ACE: variants seen among roughly 807,000 people sequenced by gnomAD.
The protein encoded by ACE is angiotensin-converting enzyme.
In ACE, 122 loss-of-function variants were observed where a neutral mutation model predicts 162.3. That is an observed-to-expected ratio of 0.75 (90% CI 0.65 to 0.87). The LOEUF (loss-of-function observed/expected upper bound fraction) is 0.87. Ranked by LOEUF, ACE falls within the 40% of genes least tolerant of loss-of-function variation. The probability of loss-of-function intolerance (pLI) is 0.00; values close to 1 mark genes in which losing one functional copy is unlikely to be tolerated. For synonymous variants in ACE, 796 were observed against 720.6 expected (o/e 1.10, Z -1.68); for missense variants, 1,799 against 1,735.1 (o/e 1.04, Z -0.65).
Position 63,485,192 on chromosome 17 carries a change from G to A in ACE, c.1922-44G>A, listed in dbSNP as rs4320. 0.48 allele frequency: 767,655 copies of A among 1,612,346 alleles called. 185,099 individuals carry two copies. The highest frequency in any genetic ancestry group is 0.65 in the East Asian group (29,207 of 44,816). On this transcript the variant is annotated intron_variant, in intron 12 of 24. Transcript: ENST00000290866. ...TCTGGTGAGACCACAAACCTGGAGA[G>A]GGGAGGCAGAGGTTTGTCTGTTTCC...
chr17:63,483,649 C>A, intron 10 of ACE, 91 bp downstream of exon 10: 1 of 1,400,286 alleles, frequency 7.1e-7, no homozygotes, highest in Non-Finnish European at 1.0e-6. Context: ...ATCCCCAGGG[C>A]TTGTCCCCAT....
chr17:63,485,039 G>A, intron 12 of ACE, 197 bp from the exon 13 acceptor site: 1 of 1,589,054 alleles, frequency 6.3e-7, no homozygotes, highest in Non-Finnish European at 8.6e-7. Context: ...CCAGGCGACG[G>A]CCCACCAGAC....
rs1048300864 is a variant in ACE, at chr17:63,491,661, G to A, written c.2912+280G>A. Among the ~76,000 whole-genome samples the A allele has an allele frequency of 1.8e-4, 27 of 152,160 alleles. No homozygotes were observed. The highest frequency in any genetic ancestry group is 6.0e-4 in the African/African-American group (25 of 41,436). On this transcript the variant is annotated intron_variant, in intron 19 of 24. Transcript: ENST00000290866. This position sits in a 1 kb window ranked among gnomAD's most constrained non-coding sequence, Gnocchi z 4.4. ...GTTTGAGCATGGTAGGCTGCCCCGC[G>A]TCCCTCCTTGGGAGCAGCCCCTGCA...
At chr17:63,477,428 G>A in intron 1 of ACE, 85 bp downstream of exon 1, 1 of 1,089,576 alleles carries the variant, frequency 9.2e-7, no homozygotes, top group Non-Finnish European at 1.1e-6. Context: ...CGGGCAGGCT[G>A]GCGCCCCCGA....
At position 63,498,207 on chromosome 17, in the gene ACE, C is replaced by T. The variant is rs1002958458; in HGVS notation, c.*841C>T. ...GCTGCACCTGCACAGGGATTAGCTG[C>T]CAGCAGCCACCCTGCTGGCGTCCCA... On this transcript the variant is annotated 3_prime_UTR_variant, in exon 25 of 25. Transcript: ENST00000290866. 1.3e-5 allele frequency: 2 copies of T among 152,266 alleles called. No individual in the cohort carries two copies. Among genetic ancestry groups the T allele is most frequent in the Non-Finnish European group, 2.9e-5 (2 of 68,076 alleles). The allele number at this position is 152,266 out of a possible 1,614,324, so 9.4% of individuals were successfully genotyped here. A position where few individuals can be genotyped will look rare whatever the true frequency, so the allele number is the denominator to read the frequency against.
chr17:63,481,258 G>A, intron 6 of ACE, 70 bp downstream of exon 6: 1 of 1,408,730 alleles, frequency 7.1e-7, no homozygotes, highest in Non-Finnish European at 1.0e-6. Flanking sequence ...AGTCACAGAT[G>A]GGCACAGGGG....
chr17:63,477,192 G>A lies in ACE; in HGVS notation c.98G>A (p.Gly33Glu). 6 of 1,481,268 alleles carry A rather than the reference G, an allele frequency of 4.1e-6. No individual in the cohort carries two copies. Among genetic ancestry groups the A allele is most frequent in the Non-Finnish European group, 5.4e-6 (6 of 1,119,998 alleles). The allele number at this position is 1,481,268 out of a possible 1,614,324, so 91.8% of individuals were successfully genotyped here. The part of the protein sequence containing the change: ...PPQPALALDP[G>E]LQPGNFSADE... ...CAGCCCGCCCTGGCGTTGGACCCCGGGCTGCAGCCCGGCAACTTTTCTGCT... is the reference window on the plus strand; with the variant it reads ...CAGCCCGCCCTGGCGTTGGACCCCGAGCTGCAGCCCGGCAACTTTTCTGCT... The change falls in exon 1 of 25, where the codon GGG (glycine) becomes GAG (glutamate). Residue 33 changes from glycine to glutamate, a missense_variant. Transcript: ENST00000290866.
Position 63,484,348 on chromosome 17 carries a change from C to A in ACE, c.1728C>A (p.Gly576=). Residue 576 remains glycine (G), a synonymous_variant, in exon 12 of 25, where the codon GGC becomes GGA. Coordinates refer to ENST00000290866, the MANE Select transcript of ACE (RefSeq NM_000789.4). This position sits in a 1 kb window ranked among gnomAD's most constrained non-coding sequence, Gnocchi z 4.0. ...CCACCAGGAAGGTGCTGCAGGCTGG[C>A]TCCTCCAGGCCCTGGCAGGAGGTGC... is the stretch of plus-strand genomic sequence containing the variant. ...GAKLRKVLQA[G]SSRPWQEVLK... is the part of the protein sequence containing the mutation. 1 of 1,610,998 alleles carries A rather than the reference C, an allele frequency of 6.2e-7. No homozygotes were observed. Among genetic ancestry groups the A allele is most frequent in the Admixed American group, 1.7e-5 (1 of 59,962 alleles).
Position 63,494,569 on chromosome 17 carries a change from G to A in ACE, c.3380+99G>A, listed in dbSNP as rs181863089. 2.4e-4 allele frequency: 273 copies of A among 1,139,122 alleles called. 1 individual carries two copies. In the African/African-American group the frequency reaches 4.0e-3, roughly 17 times the overall value. 70.6% of individuals were successfully genotyped at this position (1,139,122 alleles called of 1,614,324 possible). On this transcript the variant is annotated intron_variant, in intron 22 of 24. Transcript: ENST00000290866. Reference sequence around the variant, plus strand: ...CCGGTCCACAAGCTCTGTCAGTCAGGGCAGACCCGGGGGAGCCGGCCGCAC... The same window carrying A: ...CCGGTCCACAAGCTCTGTCAGTCAGAGCAGACCCGGGGGAGCCGGCCGCAC...
chr17:63,480,073 G>C (rs1568036438), intron 4 of ACE, among the ~76,000 whole-genome samples, 161 bp downstream of exon 4: 1 of 152,202 alleles, frequency 6.6e-6, no homozygotes, highest in Non-Finnish European at 1.5e-5. Context: ...CACCCAGTGT[G>C]CCTGGACTTT....
At chr17:63,489,278 G>T in intron 17 of ACE, 146 bp downstream of exon 17, 4 of 1,028,508 alleles carry the variant, frequency 3.9e-6, no homozygotes, top group Non-Finnish European at 5.6e-6. Flanking sequence ...GGCTGGAGGG[G>T]GGTGGGCGCT....
chr17:63,477,361 G>A lies in ACE; in HGVS notation c.249+18G>A, dbSNP rs1009655068. On this transcript the variant is annotated intron_variant, in intron 1 of 24. Coordinates refer to ENST00000290866, the MANE Select transcript of ACE (RefSeq NM_000789.4). The stretch of plus-strand genomic sequence containing the variant: ...GGCGCCAGGTGGGCGCCCGGGCCCG[G>A]GCGGGGGCGGGGCGGGGCCGCGGCG... 5 of 1,252,854 alleles carry A rather than the reference G, an allele frequency of 4.0e-6. No individual in the cohort carries two copies. The highest frequency in any genetic ancestry group is 5.1e-5 in the South Asian group (2 of 39,074). The allele number at this position is 1,252,854 out of a possible 1,614,324, so 77.6% of individuals were successfully genotyped here. A position where few individuals can be genotyped will look rare whatever the true frequency, so the allele number is the denominator to read the frequency against.
intron 8 of ACE, 109 bp from the exon 9 acceptor site, chr17:63,482,920 C>T (rs1234061794): frequency 1.6e-6 from 2 of 1,267,894 alleles, no homozygotes; most frequent in Non-Finnish European, 2.3e-6. Context: ...GCCATACCTT[C>T]TCTGCATCTC....
intron 15 of ACE, 148 bp downstream of exon 15, chr17:63,487,221 G>T: frequency 2.8e-6 from 2 of 713,076 alleles, no homozygotes; most frequent in Non-Finnish European, 4.9e-6. Context: ...TCCACGAGGG[G>T]GGCTTCTCTG....
rs780932181 is a variant in ACE, at chr17:63,497,374, C to T, written c.*8C>T. Reference sequence around the variant, plus strand: ...GAGCTGAGACACTCCTGAGGTGACCCGGCTGGGTCGGCCCTGCCCAAGGGC... The same window carrying T: ...GAGCTGAGACACTCCTGAGGTGACCTGGCTGGGTCGGCCCTGCCCAAGGGC... On this transcript the variant is annotated 3_prime_UTR_variant, in exon 25 of 25. Coordinates refer to ENST00000290866, the MANE Select transcript of ACE (RefSeq NM_000789.4). 1.7e-5 allele frequency: 26 copies of T among 1,547,256 alleles called. No individual in the cohort carries two copies. Among genetic ancestry groups the T allele is most frequent in the Middle Eastern group, 1.9e-4 (1 of 5,254 alleles).
chr17:63,493,782 A>G (rs2030546156), intron 20 of ACE, 123 bp downstream of exon 20: 1 of 1,518,942 alleles, frequency 6.6e-7, no homozygotes, highest in Non-Finnish European at 9.0e-7. Flanking sequence ...ATCGGAAGGA[A>G]GGGAGCCACC....
intron 22 of ACE, 152 bp from the exon 23 acceptor site, chr17:63,496,242 C>G: frequency 8.5e-7 from 1 of 1,173,162 alleles, no homozygotes; most frequent in Non-Finnish European, 1.3e-6. Flanking sequence ...GGAGCTCACC[C>G]TGATAGCTGT....
At chr17:63,480,915 G>T (rs904972825) in intron 5 of ACE, among the ~76,000 whole-genome samples, 176 bp from the exon 6 acceptor site, 1 of 152,210 alleles carries the variant, frequency 6.6e-6, no homozygotes, top group South Asian at 2.1e-4. Flanking sequence ...AGGACATGTG[G>T]CCCTCGGAGG....
chr17:63,489,225 C>CT (rs2030210113), intron 17 of ACE, 93 bp downstream of exon 17: 2 of 1,475,074 alleles, frequency 1.4e-6, no homozygotes, highest in African/African-American at 1.4e-5. Context: ...AGGGAGCAGG[C>CT]TGGGGACTGA....
Sources: allele counts gnomAD v4.1 joint callset (sites outside exome capture counted in the v4.1 genomes callset), GRCh38; gene constraint gnomAD v4.1.1; non-coding constraint Gnocchi (gnomAD v3.1); transcripts MANE v1.5; gene names NCBI Gene and HGNC (gene_info 2026-07-23, HGNC 2026-07-21).